PDE10A: variants seen among roughly 807,000 people sequenced by gnomAD.
PDE10A encodes cAMP and cAMP-inhibited cGMP 3',5'-cyclic phosphodiesterase 10A.
In PDE10A, 39 loss-of-function variants were observed where a neutral mutation model predicts 97.7. That is an observed-to-expected ratio of 0.40 (90% CI 0.31 to 0.52). The LOEUF is 0.52. Among genes scored for constraint, PDE10A ranks in the 20% least tolerant of loss-of-function variants. PDE10A has a pLI of 0.56. For synonymous variants in PDE10A, 371 were observed against 376.8 expected (o/e 0.98, Z 0.18); for missense variants, 731 against 1,047.8 (o/e 0.70, Z 4.17).
At chr6:165,619,419 G>C (rs374627615) in intron 1 of PDE10A, among the ~76,000 whole-genome samples, 348 of 19,176 alleles carry the variant, frequency 0.018, 2 homozygotes, top group Non-Finnish European at 0.02. Context: ...CTAGTGTAGT[G>C]TAGTGTAGTA....
At chr6:165,709,783 G>A (rs1250194513) in intron 1 of PDE10A, among the ~76,000 whole-genome samples, 1 of 143,570 alleles carries the variant, frequency 7.0e-6, no homozygotes, top group East Asian at 2.1e-4. Flanking sequence ...TTTCCTTCCC[G>A]GCATCTCTGC....
intron 1 of PDE10A, among the ~76,000 whole-genome samples, chr6:165,958,762 AAAG>A (rs1562327911): frequency 1.3e-4 from 18 of 142,838 alleles, no homozygotes; most frequent in African/African-American, 3.6e-4. Flanking sequence ...AGAAAGAAAG[AAAG>A]AAGAAAGCAA....
intron 1 of PDE10A, among the ~76,000 whole-genome samples, chr6:165,895,798 A>G (rs1398683234): frequency 2.0e-5 from 3 of 152,144 alleles, no homozygotes; most frequent in Non-Finnish European, 4.4e-5. Flanking sequence ...CGGCATCCTC[A>G]GTACTTTCAT....
Position 165,841,511 on chromosome 6 carries a change from C to T in PDE10A, c.-615+146018G>A, listed in dbSNP as rs559926298. 4.5e-4 allele frequency among the ~76,000 whole-genome samples: 69 copies of T among 152,364 alleles called. No homozygotes were observed. The South Asian group carries it at 5.6e-3, about 12-fold the overall frequency. On this transcript the variant is annotated intron_variant, in intron 1 of 19. Coordinates refer to the PDE10A transcript ENST00000366882. ...CTGGCTCTGAGCAGTGGGCGCTTAA[C>T]GTTAGCTCCAGCTCTGTGAGAAAGC...
intron 1 of PDE10A, among the ~76,000 whole-genome samples, chr6:165,766,520 G>A (rs529715176): frequency 6.6e-6 from 1 of 152,340 alleles, no homozygotes; most frequent in South Asian, 2.1e-4. Context: ...AGAATCTGAA[G>A]CCTTTTACAA....
intron 1 of PDE10A, chr6:165,718,178 C>G (rs528671872): frequency 3.3e-5 from 5 of 152,050 alleles, no homozygotes; most frequent in African/African-American, 1.2e-4. Context: ...AGTCTTGATG[C>G]TTTTTTCCTA....
chr6:165,498,766 T>C (rs974774471), intron 2 of PDE10A, among the ~76,000 whole-genome samples: 2 of 152,200 alleles, frequency 1.3e-5, no homozygotes, highest in African/African-American at 4.8e-5. Context: ...GCTGTAAAAG[T>C]TCCTAGCTGT....
chr6:165,987,605 G>C, exon 1 of PDE10A: 1 of 418,330 alleles, frequency 2.4e-6, no homozygotes, highest in Non-Finnish European at 4.7e-6. Context: ...GACAGTGAGA[G>C]AAAGAAAAAG....
At chr6:165,377,663 A>G (rs1562399342) in intron 18 of PDE10A, among the ~76,000 whole-genome samples, 2 of 152,312 alleles carry the variant, frequency 1.3e-5, no homozygotes, top group East Asian at 3.9e-4. Flanking sequence ...GAAAAAAAAG[A>G]AAGTGTATGG....
At chr6:165,545,916 T>C (rs74954155) in intron 1 of PDE10A, among the ~76,000 whole-genome samples, 3,555 of 152,102 alleles carry the variant, frequency 0.023, 58 homozygotes, top group Non-Finnish European at 0.026. Flanking sequence ...TAGTAAGCAT[T>C]TACCCAATGG....
chr6:165,435,761 G>A (rs1789972203), intron 5 of PDE10A, among the ~76,000 whole-genome samples: 1 of 152,148 alleles, frequency 6.6e-6, no homozygotes, highest in African/African-American at 2.4e-5. Context: ...CATGTTACCT[G>A]AAGACAGAAT....
chr6:165,936,114 A>T (rs1403680722), intron 1 of PDE10A, among the ~76,000 whole-genome samples: 1 of 152,188 alleles, frequency 6.6e-6, no homozygotes, highest in Non-Finnish European at 1.5e-5. Context: ...AAAGAAGCAG[A>T]TGGGTCAGGG....
chr6:165,563,511 T>C (rs947215264), intron 1 of PDE10A, among the ~76,000 whole-genome samples: 1 of 152,124 alleles, frequency 6.6e-6, no homozygotes, highest in Non-Finnish European at 1.5e-5. Flanking sequence ...TTATCTAACA[T>C]ATAAAATAAA....
intron 1 of PDE10A, among the ~76,000 whole-genome samples, chr6:165,835,809 C>T (rs529491230): frequency 3.3e-5 from 5 of 152,232 alleles, no homozygotes; most frequent in South Asian, 4.1e-4. Context: ...AGGGCAGGCA[C>T]GGGCTGAGCA....
At chr6:165,824,004 C>G (rs1240888959) in intron 1 of PDE10A, among the ~76,000 whole-genome samples, 1 of 152,186 alleles carries the variant, frequency 6.6e-6, no homozygotes, top group Non-Finnish European at 1.5e-5. Context: ...TTAAAAGTCC[C>G]AAAGGTTTTG....
At chr6:165,478,009 T>A (rs1009968679) in intron 3 of PDE10A, among the ~76,000 whole-genome samples, 1 of 152,190 alleles carries the variant, frequency 6.6e-6, no homozygotes, top group African/African-American at 2.4e-5. Context: ...CTCTAAGAAG[T>A]GTCACCTACT....
At chr6:165,621,115 T>A in intron 1 of PDE10A, among the ~76,000 whole-genome samples, 1 of 152,026 alleles carries the variant, frequency 6.6e-6, no homozygotes, top group East Asian at 1.9e-4. Flanking sequence ...ACATGTATTG[T>A]CCTGAGTATT....
chr6:165,553,648 T>C (rs1379155500), intron 1 of PDE10A, among the ~76,000 whole-genome samples: 15 of 152,206 alleles, frequency 9.9e-5, no homozygotes, highest in Admixed American at 9.8e-4. Flanking sequence ...AAGGGGTGCC[T>C]TAGCTGCAGA....
intron 1 of PDE10A, among the ~76,000 whole-genome samples, chr6:165,589,987 T>A (rs998028339): frequency 6.6e-6 from 1 of 152,192 alleles, no homozygotes; most frequent in Admixed American, 6.5e-5. Context: ...TAAATATGCA[T>A]ACTATATTAT....
Sources: gnomAD v4.1 joint callset for allele counts (sites outside exome capture counted in the v4.1 genomes callset) on GRCh38, gnomAD v4.1.1 for gene constraint, MANE v1.5 for transcripts, NCBI Gene and HGNC (gene_info 2026-07-23, HGNC 2026-07-21) for gene names.